Variants in CEP192 observed in about 807,000 individuals in gnomAD.
CEP192 encodes centrosomal protein of 192 kDa.
Under a neutral mutation model 271.8 loss-of-function variants are expected in CEP192, and 151 were observed. That is an observed-to-expected ratio of 0.56 (90% CI 0.49 to 0.64). The LOEUF is 0.64. CEP192 is among the 30% of genes least tolerant of loss of function. CEP192 has a pLI of 0.00. For missense variants in CEP192, 2,910 were observed against 3,020.5 expected, an observed-to-expected ratio of 0.96 and a Z score of 0.86; for synonymous variants, 995 against 1,076.5, an observed-to-expected ratio of 0.92 and a Z score of 1.48.
intron 35 of CEP192, 141 bp from the exon 36 acceptor site, chr18:13,096,043 T>A (rs907826107): frequency 5.9e-6 from 5 of 850,058 alleles, no homozygotes; most frequent in Non-Finnish European, 9.0e-6. Flanking sequence ...TACCAAGGAT[T>A]GGAAATTTCT....
chr18:13,102,796 G>C (rs972182276), intron 38 of CEP192, among the ~76,000 whole-genome samples: 3 of 152,132 alleles, frequency 2.0e-5, no homozygotes, highest in Non-Finnish European at 4.4e-5. Flanking sequence ...CCTTCTCTCT[G>C]TGTTCTCCTG....
At chr18:13,016,427 G>T (rs1191078774) in intron 6 of CEP192, among the ~76,000 whole-genome samples, 1 of 152,200 alleles carries the variant, frequency 6.6e-6, no homozygotes, top group African/African-American at 2.4e-5. Flanking sequence ...GCCACATTAT[G>T]CATGACTTTG....
intron 23 of CEP192, 48 bp from the exon 24 acceptor site, chr18:13,068,311 T>C: frequency 6.2e-7 from 1 of 1,601,406 alleles, no homozygotes; most frequent in East Asian, 2.2e-5. Context: ...AAGATAGTAA[T>C]ATTAATACCA....
chr18:13,106,244 C>CACT, intron 40 of CEP192, among the ~76,000 whole-genome samples: 1 of 152,194 alleles, frequency 6.6e-6, no homozygotes, highest in Non-Finnish European at 1.5e-5. Flanking sequence ...TACCACTCAT[C>CACT]ACTACCATCA....
intron 40 of CEP192, among the ~76,000 whole-genome samples, chr18:13,112,433 G>A (rs2040248513): frequency 1.3e-5 from 2 of 152,210 alleles, no homozygotes; most frequent in African/African-American, 4.8e-5. Context: ...GATCTATAGA[G>A]AGAAAGTAGA....
intron 17 of CEP192, among the ~76,000 whole-genome samples, chr18:13,052,697 A>T (rs930529911): frequency 6.6e-6 from 1 of 152,158 alleles, no homozygotes; most frequent in African/African-American, 2.4e-5. Flanking sequence ...GTGTGTCTTT[A>T]TATGGTATTT....
Position 13,001,508 on chromosome 18 carries a change from A to G in CEP192, c.216A>G (p.Pro72=). 2 of 1,550,324 alleles carry G rather than the reference A, an allele frequency of 1.3e-6. No individual in the cohort carries two copies. The highest frequency in any genetic ancestry group is 1.7e-6 in the Non-Finnish European group (2 of 1,145,890). The change falls in exon 3 of 45, where the codon CCA becomes CCG. Residue 72 remains proline (P), a synonymous_variant. Transcript: ENST00000506447. ...TAGTAGAAGGGAGATTTTCAGTTCC[A>G]TCCGGGTCATCTCCCGGAAGCCAGA... The part of the protein sequence containing the change: ...SYLVEGRFSV[P]SGSSPGSQSD...
intron 36 of CEP192, among the ~76,000 whole-genome samples, chr18:13,097,208 C>T (rs693301): frequency 0.45 from 69,073 of 151,888 alleles, 15,833 homozygotes; most frequent in Middle Eastern, 0.51. Context: ...CCTCACAGCC[C>T]GCTTTTTCTG....
rs2033646058 is a variant in CEP192 at position 13,001,556 on chromosome 18, G to GT, written c.266dup (p.Leu89PhefsTer4). On this transcript the variant is annotated frameshift_variant, in exon 3 of 45. Coordinates refer to ENST00000506447, the MANE Select transcript of CEP192 (RefSeq NM_032142.4). LOFTEE classifies it high-confidence loss of function. ...AGAGTGATGCTGAACCAAGAGAGAG[G>GT]TTACAGCTTAGCTTCCAGGATGATG... is the stretch of plus-strand genomic sequence containing the variant. 6.5e-7 allele frequency: 1 copy of GT among 1,549,624 alleles called. No individual in the cohort carries two copies. Among genetic ancestry groups the GT allele is most frequent in the Non-Finnish European group, 8.7e-7 (1 of 1,146,378 alleles).
chr18:13,056,106 G>A lies in CEP192; in HGVS notation c.3516G>A (p.Lys1172=), dbSNP rs149920674. The A allele has an allele frequency of 4.8e-5, 77 of 1,613,304 alleles. No homozygotes were observed. The highest frequency in any genetic ancestry group is 6.4e-5 in the Non-Finnish European group (75 of 1,179,624). Residue 1172 remains lysine (K), a synonymous_variant, in exon 19 of 45, where the codon AAG becomes AAA. Coordinates refer to ENST00000506447, the MANE Select transcript of CEP192 (RefSeq NM_032142.4). ...LDPIRLALLG[K]SGLSCQVGSA... ...CGATCAGGCTGGCTCTCCTGGGCAA[G>A]TCAGGTCTGAGCTGTCAGGTGGGGT...
rs769251960 is a variant in CEP192 at position 13,074,256 on chromosome 18, C to G, written c.5616+1071C>G. 2.6e-5 allele frequency among the ~76,000 whole-genome samples: 4 copies of G among 152,234 alleles called. No individual in the cohort carries two copies. The East Asian group carries it at 5.8e-4, about 22-fold the overall frequency. ...CAGCTTTGACGCTGGAGCTTGAGCT[C>G]TGTGTCCTGTGGGGTCACTTGATTG... On this transcript the variant is annotated intron_variant, in intron 30 of 44. Transcript: ENST00000506447.
intron 30 of CEP192, among the ~76,000 whole-genome samples, chr18:13,079,450 T>C (rs527427641): frequency 6.6e-6 from 1 of 152,384 alleles, no homozygotes; most frequent in African/African-American, 2.4e-5. Flanking sequence ...GAGAAGTGTC[T>C]GTTCATATCC....
chr18:13,114,360 TCCAA>T (rs1444661728), intron 42 of CEP192, 109 bp downstream of exon 42: 2 of 1,133,966 alleles, frequency 1.8e-6, no homozygotes, highest in African/African-American at 3.1e-5. Flanking sequence ...TTACCAGCAC[TCCAA>T]CCAAGATACA....
intron 40 of CEP192, among the ~76,000 whole-genome samples, chr18:13,111,286 G>A (rs2040197284): frequency 6.6e-6 from 1 of 152,050 alleles, no homozygotes; most frequent in Non-Finnish European, 1.5e-5. Context: ...CACCACGCCT[G>A]GCTAATTTTT....
intron 9 of CEP192, among the ~76,000 whole-genome samples, chr18:13,028,351 G>A (rs1403097398): frequency 3.9e-5 from 6 of 152,138 alleles, no homozygotes; most frequent in African/African-American, 1.4e-4. Context: ...ACCAGGCTTA[G>A]GACTTGGATA....
At chr18:13,120,418 G>C (rs1015313230) in intron 44 of CEP192, among the ~76,000 whole-genome samples, 1 of 152,120 alleles carries the variant, frequency 6.6e-6, no homozygotes, top group African/African-American at 2.4e-5. Context: ...TAGACTTGCC[G>C]CTCCAGTGCT....
rs143783038 is a variant in CEP192, at chr18:13,015,328, A to G, written c.520A>G (p.Ile174Val). The G allele has an allele frequency of 2.6e-6, 4 of 1,550,480 alleles. No individual in the cohort carries two copies. In the South Asian group the frequency reaches 3.6e-5, roughly 14 times the overall value. ...QSWMNNKEPK[I>V]VVLDAGKHFE... ...TTACTTGCCATTTTGTTTCTTATAG[A>G]TTGTTGTGCTTGATGCTGGAAAACA... is the stretch of plus-strand genomic sequence containing the variant. The change falls in exon 6 of 45, where the codon ATT (isoleucine) becomes GTT (valine). Residue 174 changes from isoleucine to valine, a missense_variant and splice_region_variant. Coordinates refer to ENST00000506447, the MANE Select transcript of CEP192 (RefSeq NM_032142.4).
chr18:13,100,650 A>G (rs1046555448), intron 38 of CEP192, 138 bp downstream of exon 38: 7 of 642,692 alleles, frequency 1.1e-5, no homozygotes, highest in East Asian at 5.5e-5. Flanking sequence ...AGTCATTTCA[A>G]TGATGGGCTG....
intron 44 of CEP192, among the ~76,000 whole-genome samples, chr18:13,122,272 A>G (rs1219882068): frequency 9.2e-5 from 14 of 152,222 alleles, no homozygotes; most frequent in Admixed American, 9.2e-4. Context: ...AAATACAAAA[A>G]TTAGCTGGGC....
Sources: allele counts gnomAD v4.1 joint callset (sites outside exome capture counted in the v4.1 genomes callset), GRCh38; gene constraint gnomAD v4.1.1; transcripts MANE v1.5; gene names NCBI Gene and HGNC (gene_info 2026-07-23, HGNC 2026-07-21).